The following AGBL1 variants were observed in gnomAD, a reference collection of about 807,000 sequenced individuals.
AGBL1 encodes AGBL carboxypeptidase 1.
In AGBL1, 130 loss-of-function variants were observed where a neutral mutation model predicts 118.9. The ratio of observed to expected loss-of-function variants is 1.09; its 90% confidence interval spans 0.95 to 1.26. The LOEUF is 1.26. AGBL1 is among the 50% of genes most tolerant of loss of function. The pLI, the probability that AGBL1 is intolerant of heterozygous loss-of-function variation, is 0.00. For missense variants in AGBL1, 1,584 were observed against 1,298.1 expected (o/e 1.22, Z -3.38); for synonymous variants, 555 against 478.9 (o/e 1.16, Z -2.08).
intron 21 of AGBL1, among the ~76,000 whole-genome samples, chr15:86,623,737 C>T (rs534181655): frequency 3.3e-5 from 5 of 152,152 alleles, no homozygotes; most frequent in African/African-American, 7.2e-5. Flanking sequence ...TGCAATAATT[C>T]GAAATCCTGT....
chr15:86,140,699 G>T lies in AGBL1; in HGVS notation c.52-1305G>T, dbSNP rs1056907328. ...TTGGATGGGATCTCGTGGAGCTGGA[G>T]TGCACTTGAAGGATGAGCTGGCATT... On this transcript the variant is annotated intron_variant, in intron 1 of 22. Transcript: ENST00000614907. Among the ~76,000 whole-genome samples, 15 of 152,136 alleles carry T rather than the reference G, an allele frequency of 9.9e-5. 1 individual carries two copies. Among genetic ancestry groups the T allele is most frequent in the African/African-American group, 3.6e-4 (15 of 41,432 alleles).
At chr15:86,924,247 G>T (rs1041904768) in intron 23 of AGBL1, among the ~76,000 whole-genome samples, 6 of 152,206 alleles carry the variant, frequency 3.9e-5, no homozygotes, top group African/African-American at 1.4e-4. Flanking sequence ...CACAAGTTCT[G>T]CCTGAAAGGA....
intron 1 of AGBL1, 134 bp downstream of exon 1, chr15:86,080,157 G>T (rs770991483): frequency 1.4e-5 from 8 of 571,222 alleles, no homozygotes; most frequent in Non-Finnish European, 2.1e-5. Flanking sequence ...AACAGGAGTC[G>T]GCTCTCACCT....
rs141638780 is a variant in AGBL1, at chr15:86,524,161, A to C, written c.2685+1222A>C. ...ATGAACAAGTAAACTGATTTCAATG[A>C]GATCACCCAGAGGTGTATGGCAGAG... On this transcript the variant is annotated intron_variant, in intron 19 of 22. Transcript: ENST00000614907. 5.7e-3 allele frequency among the ~76,000 whole-genome samples: 867 copies of C among 152,308 alleles called. 3 individuals are homozygous for C. Among genetic ancestry groups the C allele is most frequent in the Non-Finnish European group, 9.5e-3 (645 of 68,020 alleles).
At chr15:86,601,273 G>A (rs565539849) in intron 21 of AGBL1, among the ~76,000 whole-genome samples, 2 of 152,226 alleles carry the variant, frequency 1.3e-5, no homozygotes, top group South Asian at 2.1e-4. Context: ...ACTCAGTTAA[G>A]GGTTATCAAA....
chr15:86,477,748 C>T (rs921083189), intron 18 of AGBL1, among the ~76,000 whole-genome samples: 4 of 152,188 alleles, frequency 2.6e-5, no homozygotes, highest in African/African-American at 9.7e-5. Flanking sequence ...CAGCATCGTT[C>T]TGAGACCAAA....
At chr15:86,252,155 C>T (rs2078827175) in intron 7 of AGBL1, among the ~76,000 whole-genome samples, 1 of 152,194 alleles carries the variant, frequency 6.6e-6, no homozygotes, top group Non-Finnish European at 1.5e-5. Flanking sequence ...GGTCTGGGTA[C>T]TTCACTTTGA....
At chr15:86,287,345 C>T (rs1436366179) in intron 16 of AGBL1, among the ~76,000 whole-genome samples, 1 of 152,044 alleles carries the variant, frequency 6.6e-6, no homozygotes, top group South Asian at 2.1e-4. Context: ...TATGCAGATG[C>T]CTTTTAGTTT....
chr15:86,367,500 G>A (rs1425526395), intron 17 of AGBL1, among the ~76,000 whole-genome samples: 1 of 151,944 alleles, frequency 6.6e-6, no homozygotes, highest in African/African-American at 2.4e-5. Context: ...TGGGAGGAAT[G>A]ATGATATAAT....
chr15:86,353,630 T>C (rs1441418250), intron 17 of AGBL1, among the ~76,000 whole-genome samples: 4 of 152,272 alleles, frequency 2.6e-5, no homozygotes, highest in Admixed American at 6.5e-5. Context: ...ATAAGGGAAA[T>C]AATGAAAGTA....
chr15:86,670,766 A>G (rs2085734046), intron 21 of AGBL1, among the ~76,000 whole-genome samples: 1 of 151,752 alleles, frequency 6.6e-6, no homozygotes, highest in Admixed American at 6.6e-5. Flanking sequence ...GAAATGGAAC[A>G]TTTTCCCACA....
At chr15:86,109,364 C>T (rs1897232088) in intron 1 of AGBL1, among the ~76,000 whole-genome samples, 1 of 152,144 alleles carries the variant, frequency 6.6e-6, no homozygotes, top group African/African-American at 2.4e-5. Flanking sequence ...CTGACAAATA[C>T]CACAAGCTTC....
intron 13 of AGBL1, among the ~76,000 whole-genome samples, chr15:86,268,307 T>C (rs1044821980): frequency 4.6e-5 from 7 of 152,066 alleles, no homozygotes; most frequent in African/African-American, 1.7e-4. Context: ...AAGACAGTCA[T>C]GTCAAGACTC....
chr15:86,693,805 C>G lies in AGBL1; in HGVS notation c.3158+19369C>G, dbSNP rs1163981023. 2.0e-5 allele frequency among the ~76,000 whole-genome samples: 3 copies of G among 152,000 alleles called. No individual in the cohort carries two copies. The East Asian group carries it at 5.8e-4, about 29-fold the overall frequency. ...AGAGATGACAATCCAGTTTCATTCC[C>G]CTACCTGTGGCTTGCCAATTATCCA... On this transcript the variant is annotated intron_variant, in intron 22 of 22. Transcript: ENST00000614907.
At chr15:86,843,800 A>G (rs1238182279) in intron 22 of AGBL1, among the ~76,000 whole-genome samples, 1 of 152,170 alleles carries the variant, frequency 6.6e-6, no homozygotes, top group African/African-American at 2.4e-5. Context: ...TTTTTAGCAA[A>G]TGTATGTAAT....
intron 21 of AGBL1, among the ~76,000 whole-genome samples, chr15:86,606,581 G>C (rs2084581007): frequency 6.6e-6 from 1 of 152,102 alleles, no homozygotes; most frequent in Non-Finnish European, 1.5e-5. Flanking sequence ...ATGGTGTTTA[G>C]AGACAAGACA....
chr15:86,440,036 T>C (rs1035466987), intron 18 of AGBL1, among the ~76,000 whole-genome samples: 1 of 152,220 alleles, frequency 6.6e-6, no homozygotes, highest in Non-Finnish European at 1.5e-5. Context: ...ACAATATTAA[T>C]AACAGCATTA....
At chr15:86,775,995 G>T (rs985597212) in intron 22 of AGBL1, among the ~76,000 whole-genome samples, 12 of 152,012 alleles carry the variant, frequency 7.9e-5, no homozygotes, top group Admixed American at 7.9e-4. Context: ...ACGTAAGTGG[G>T]TCCACAAACA....
chr15:86,264,788 T>A lies in AGBL1; in HGVS notation c.1617T>A (p.Cys539Ter). Residue 539 changes from cysteine (C) to a stop codon, truncating the protein, a stop_gained, in exon 11 of 23, where the codon TGT (cysteine) becomes TGA (stop). Coordinates refer to ENST00000614907, the MANE Select transcript of AGBL1 (RefSeq NM_001386094.1). LOFTEE classifies it high-confidence loss of function. ...MMAFPDVWGHCPPPTTQPMLE... is the reference protein window; with the variant it reads ...MMAFPDVWGH ...CATTTCCTGATGTCTGGGGACACTG[T>A]CCCCCTCCCACCACCCAGCCTATGT... 1 of 1,613,698 alleles carries A rather than the reference T, an allele frequency of 6.2e-7. No individual in the cohort carries two copies. The highest frequency in any genetic ancestry group is 8.5e-7 in the Non-Finnish European group (1 of 1,179,794).
Sources: allele counts gnomAD v4.1 joint callset (sites outside exome capture counted in the v4.1 genomes callset), GRCh38; gene constraint gnomAD v4.1.1; transcripts MANE v1.5; gene names NCBI Gene and HGNC (gene_info 2026-07-23, HGNC 2026-07-21).